The following ZNF366 variants were observed in gnomAD, a reference collection of about 807,000 sequenced individuals.
ZNF366 encodes the protein zinc finger protein 366.
ZNF366 carries 20 observed loss-of-function variants against 47.2 expected under a neutral mutation model. The observed-to-expected ratio is 0.42, with a 90% CI of 0.30 to 0.62. ZNF366 has a LOEUF of 0.62. Ranked by LOEUF, ZNF366 falls within the 20% of genes least tolerant of loss-of-function variation. The probability of loss-of-function intolerance (pLI) is 0.16; values close to 1 mark genes in which losing one functional copy is unlikely to be tolerated. For missense variants in ZNF366, 987 were observed against 976.3 expected, an observed-to-expected ratio of 1.01 and a Z score of -0.15; for synonymous variants, 421 against 395.1, an observed-to-expected ratio of 1.07 and a Z score of -0.78.
At chr5:72,452,932 T>C (rs1370364545) in intron 3 of ZNF366, among the ~76,000 whole-genome samples, 1 of 152,064 alleles carries the variant, frequency 6.6e-6, no homozygotes, top group Non-Finnish European at 1.5e-5. Context: ...GGCGCAGATC[T>C]CTGGAAAAAC....
chr5:72,460,299 T>C lies in ZNF366; in HGVS notation c.1198A>G (p.Lys400Glu). ...PIQYNCSECD[K>E]TFQYPSQLQN... Reference sequence around the variant, plus strand: ...AGCTGGCTCGGGTACTGGAAGGTCTTGTCGCACTCGGAGCAGTTGTACTGG... The same window carrying C: ...AGCTGGCTCGGGTACTGGAAGGTCTCGTCGCACTCGGAGCAGTTGTACTGG... The change falls in exon 2 of 5, where the codon AAG becomes GAG. Residue 400 changes from lysine (K) to glutamate (E), a missense_variant. Lys to Glu is a moderately conservative substitution (Grantham distance 56). Coordinates refer to ENST00000318442, the MANE Select transcript of ZNF366 (RefSeq NM_152625.3). 1 of 1,614,216 alleles carries C rather than the reference T, an allele frequency of 6.2e-7. No homozygotes were observed. The highest frequency in any genetic ancestry group is 8.5e-7 in the Non-Finnish European group (1 of 1,180,024).
At chr5:72,481,628 A>G (rs188100890) in intron 1 of ZNF366, among the ~76,000 whole-genome samples, 31 of 152,324 alleles carry the variant, frequency 2.0e-4, no homozygotes, top group Admixed American at 9.1e-4. Flanking sequence ...AACCTAATTT[A>G]TACTTATATT....
intron 1 of ZNF366, among the ~76,000 whole-genome samples, chr5:72,475,195 C>A (rs772020355): frequency 2.6e-5 from 4 of 152,176 alleles, no homozygotes; most frequent in Admixed American, 2.0e-4. Flanking sequence ...AAGCCCGCAG[C>A]CTGAAGACCT....
At position 72,461,159 on chromosome 5, in the gene ZNF366, G is replaced by A. The variant is rs200485226; in HGVS notation, c.338C>T (p.Pro113Leu). The A allele has an allele frequency of 7.8e-5, 126 of 1,614,066 alleles. 1 individual carries two copies. The Middle Eastern group carries it at 8.2e-4, about 11-fold the overall frequency. ...ENKNHGLPNL[P>L]LLFPQPPRPK... is the part of the protein sequence containing the mutation. ...GCGCGGGGGCTGCGGGAACAGCAAAGGGAGGTTGGGAAGGCCGTGGTTTTT... is the reference window on the plus strand; with the variant it reads ...GCGCGGGGGCTGCGGGAACAGCAAAAGGAGGTTGGGAAGGCCGTGGTTTTT... Residue 113 changes from proline (P) to leucine (L), a missense_variant, in exon 2 of 5, where the codon CCT becomes CTT. Pro to Leu is a moderately conservative substitution (Grantham distance 98, BLOSUM62 -3). This residue lies in a region of ZNF366 where 591 missense variants were observed against 560.9 expected (regional missense o/e 1.05). Transcript: ENST00000318442.
intron 3 of ZNF366, among the ~76,000 whole-genome samples, chr5:72,453,008 G>A (rs778129837): frequency 6.6e-6 from 1 of 152,204 alleles, no homozygotes; most frequent in African/African-American, 2.4e-5. Flanking sequence ...GAGAAGGGCA[G>A]TAACTTTTTT....
intron 1 of ZNF366, among the ~76,000 whole-genome samples, chr5:72,488,383 T>C (rs1743936757): frequency 6.6e-6 from 1 of 151,992 alleles, no homozygotes; most frequent in Admixed American, 6.6e-5. Flanking sequence ...GTGAAAAAAA[T>C]AGAGGGAATT....
chr5:72,468,713 C>T (rs1743485933), intron 1 of ZNF366, among the ~76,000 whole-genome samples: 1 of 152,100 alleles, frequency 6.6e-6, no homozygotes, highest in Non-Finnish European at 1.5e-5. Context: ...CTTTTAAGTG[C>T]TGAATACCTA....
At chr5:72,479,852 CTG>C (rs1490660813) in intron 1 of ZNF366, among the ~76,000 whole-genome samples, 1 of 152,160 alleles carries the variant, frequency 6.6e-6, no homozygotes, top group African/African-American at 2.4e-5. Flanking sequence ...AGGTATAAGA[CTG>C]GAGACAGGGA....
At chr5:72,474,974 A>C (rs1468834757) in intron 1 of ZNF366, among the ~76,000 whole-genome samples, 1 of 152,216 alleles carries the variant, frequency 6.6e-6, no homozygotes, top group Non-Finnish European at 1.5e-5. Context: ...GTAGCATAAA[A>C]GAATTGTTTC....
chr5:72,496,525 A>G (rs900621702), intron 1 of ZNF366, among the ~76,000 whole-genome samples: 4 of 152,174 alleles, frequency 2.6e-5, no homozygotes, highest in African/African-American at 9.7e-5. Context: ...GCTTTTGCTT[A>G]TCCACTCACC....
rs1412367951 is a variant in ZNF366 at position 72,460,713 on chromosome 5, A to C, written c.784T>G (p.Tyr262Asp). Residue 262 changes from tyrosine (Y) to aspartate (D), a missense_variant, in exon 2 of 5, where the codon TAC becomes GAC. Tyr to Asp is a radical substitution (Grantham distance 160). This residue lies in a region of ZNF366 where 591 missense variants were observed against 560.9 expected (regional missense o/e 1.05). Transcript: ENST00000318442. ...RWQCPTCEKS[Y>D]TSKYNLVTHI... ...GTGACCAGGTTGTACTTGGAGGTGT[A>C]GGACTTCTCGCAGGTGGGGCACTGC... 6.2e-7 allele frequency: 1 copy of C among 1,614,230 alleles called. No homozygotes were observed. The highest frequency in any genetic ancestry group is 8.5e-7 in the Non-Finnish European group (1 of 1,180,030).
chr5:72,470,747 C>T (rs1004252197), intron 1 of ZNF366, among the ~76,000 whole-genome samples: 10 of 152,168 alleles, frequency 6.6e-5, no homozygotes, highest in African/African-American at 2.4e-4. Flanking sequence ...CTTGTCCTGT[C>T]CCAGTTTATC....
chr5:72,489,423 G>A (rs1438015736), intron 1 of ZNF366, among the ~76,000 whole-genome samples: 1 of 152,118 alleles, frequency 6.6e-6, no homozygotes, highest in East Asian at 1.9e-4. Flanking sequence ...GGGAGATTTA[G>A]GGGTTGTTTG....
intron 1 of ZNF366, among the ~76,000 whole-genome samples, chr5:72,465,952 T>C (rs1304557732): frequency 6.6e-6 from 1 of 152,138 alleles, no homozygotes; most frequent in Non-Finnish European, 1.5e-5. Flanking sequence ...ATTTAGAATG[T>C]GTATGAGAAA....
chr5:72,504,190 G>A (rs1420953788), intron 1 of ZNF366, among the ~76,000 whole-genome samples: 1 of 152,172 alleles, frequency 6.6e-6, no homozygotes, highest in Non-Finnish European at 1.5e-5. Flanking sequence ...AATGTTTGAG[G>A]AGAGAGAACC....
Position 72,457,118 on chromosome 5 carries a change from C to T in ZNF366, c.1333-523G>A, listed in dbSNP as rs927513753. 4.6e-5 allele frequency among the ~76,000 whole-genome samples: 7 copies of T among 152,130 alleles called. No individual in the cohort carries two copies. The East Asian group carries it at 1.2e-3, about 25-fold the overall frequency. ...ACTTAAATTACAACTTGATAATCAC[C>T]CTCTCAAGTTGGTCCCCTGGGTTCC... is the stretch of plus-strand genomic sequence containing the variant. On this transcript the variant is annotated intron_variant, in intron 2 of 4. Transcript: ENST00000318442.
At chr5:72,487,030 C>T (rs1743905966) in intron 1 of ZNF366, among the ~76,000 whole-genome samples, 1 of 152,202 alleles carries the variant, frequency 6.6e-6, no homozygotes, top group African/African-American at 2.4e-5. Flanking sequence ...CCGCCTTGGC[C>T]TCCCAAAGTG....
At chr5:72,495,250 G>T (rs576218140) in intron 1 of ZNF366, among the ~76,000 whole-genome samples, 2 of 152,266 alleles carry the variant, frequency 1.3e-5, no homozygotes, top group South Asian at 4.1e-4. Flanking sequence ...GAGTAGGGGA[G>T]TTCAGATTAA....
rs1385287587 is a variant in ZNF366 at position 72,440,757 on chromosome 5, T to C, written c.*2999A>G. 6.6e-6 allele frequency: 1 copy of C among 152,138 alleles called. No homozygotes were observed. Among genetic ancestry groups the C allele is most frequent in the East Asian group, 1.9e-4 (1 of 5,198 alleles). The allele number at this position is 152,138 out of a possible 1,614,324, so 9.4% of individuals were successfully genotyped here. On this transcript the variant is annotated 3_prime_UTR_variant, in exon 5 of 5. Transcript: ENST00000318442. ...GGACAACAGGTCTAAACCACGATCATCCCAGGCAAACCAGGATGTTGGTCA... is the reference window on the plus strand; with the variant it reads ...GGACAACAGGTCTAAACCACGATCACCCCAGGCAAACCAGGATGTTGGTCA...
Sources: allele counts gnomAD v4.1 joint callset (sites outside exome capture counted in the v4.1 genomes callset), GRCh38; gene constraint gnomAD v4.1.1; regional missense constraint gnomAD v4.1.1; transcripts MANE v1.5; gene names NCBI Gene and HGNC (gene_info 2026-07-23, HGNC 2026-07-21).